Variants in CELF2 observed in about 807,000 individuals in gnomAD.
CELF2 encodes the protein CUG triplet repeat RNA-binding protein 2.
Under a neutral mutation model 62.6 loss-of-function variants are expected in CELF2, and 8 were observed. The observed-to-expected ratio is 0.13, with a 90% CI of 0.07 to 0.23. CELF2 has a LOEUF of 0.23. CELF2 is among the 10% of genes least tolerant of loss of function. The pLI is 1.00. For missense variants in CELF2, 333 were observed against 671.0 expected, an observed-to-expected ratio of 0.50 and a Z score of 5.56; for synonymous variants, 258 against 250.0, an observed-to-expected ratio of 1.03 and a Z score of -0.30.
the CELF2 span, among the ~76,000 whole-genome samples, chr10:10,622,382 G>C: frequency 2.0e-5 from 3 of 152,142 alleles, no homozygotes; most frequent in Non-Finnish European, 2.9e-5. Flanking sequence ...GCCAAGATGG[G>C]TGGATCACTT....
chr10:11,284,237 G>GAGTGT (rs1391578498), intron 8 of CELF2, among the ~76,000 whole-genome samples: 1 of 11,312 alleles, frequency 8.8e-5, no homozygotes, highest in Non-Finnish European at 1.5e-4. Context: ...GATGAGGGAT[G>GAGTGT]GAGGGGTGGG....
chr10:10,876,307 CA>C (rs2061088440), intron 1 of CELF2, among the ~76,000 whole-genome samples: 1 of 152,104 alleles, frequency 6.6e-6, no homozygotes, highest in South Asian at 2.1e-4. Flanking sequence ...AGAGCGCTCC[CA>C]TTGTGCTATG....
At chr10:11,213,816 G>C (rs1209980692) in intron 2 of CELF2, among the ~76,000 whole-genome samples, 1 of 152,214 alleles carries the variant, frequency 6.6e-6, no homozygotes, top group Non-Finnish European at 1.5e-5. Flanking sequence ...ACCAATCACT[G>C]TACTTGTTAA....
At chr10:10,549,282 C>G in the CELF2 span, among the ~76,000 whole-genome samples, 1 of 152,062 alleles carries the variant, frequency 6.6e-6, no homozygotes, top group African/African-American at 2.4e-5. Flanking sequence ...TTGGTTTCTT[C>G]TTTTTGTTGT....
the CELF2 span, among the ~76,000 whole-genome samples, chr10:10,583,872 A>G: frequency 6.6e-6 from 1 of 152,144 alleles, no homozygotes; most frequent in Non-Finnish European, 1.5e-5. Flanking sequence ...CAAATGTGCA[A>G]CCTTGAGAGT....
chr10:10,778,325 A>G, the CELF2 span, among the ~76,000 whole-genome samples: 40,104 of 152,074 alleles, frequency 0.26, 6,092 homozygotes, highest in East Asian at 0.5. Flanking sequence ...AAGAAAATGC[A>G]TGCATTGTAC....
chr10:10,776,077 TG>T, the CELF2 span: 1 of 152,518 alleles, frequency 6.6e-6, no homozygotes. Flanking sequence ...AAACATCATA[TG>T]AAGAACCAGC....
the CELF2 span, among the ~76,000 whole-genome samples, chr10:10,743,212 T>C: frequency 1.3e-5 from 2 of 152,236 alleles, no homozygotes; most frequent in African/African-American, 2.4e-5. Context: ...TTGGAAATCA[T>C]ACATGGATGC....
the CELF2 span, among the ~76,000 whole-genome samples, chr10:10,668,829 G>A: frequency 8.1e-4 from 123 of 152,168 alleles, no homozygotes; most frequent in Non-Finnish European, 1.4e-3. Flanking sequence ...AGGGTGGTGT[G>A]CGCCTGTAAT....
At position 11,289,126 on chromosome 10, in the gene CELF2, A is replaced by G. The variant is rs368173516; in HGVS notation, c.976+574A>G. 4.6e-5 allele frequency among the ~76,000 whole-genome samples: 7 copies of G among 152,250 alleles called. 1 individual carries two copies. The highest frequency in any genetic ancestry group is 1.7e-4 in the African/African-American group (7 of 41,538). On this transcript the variant is annotated intron_variant, in intron 9 of 12. Transcript: ENST00000633077. ...AAAAGCAGATGCCAGTTGTCTTTTC[A>G]TACAAGCCAGATAGAATGTGGTTGC...
In CELF2 at chr10:11,008,768, A is replaced by G. The variant is rs142710867; in HGVS notation, c.53+3328A>G. 1.1e-3 allele frequency among the ~76,000 whole-genome samples: 163 copies of G among 152,304 alleles called. 1 individual carries two copies. In the Middle Eastern group the frequency reaches 0.02, roughly 19 times the overall value. On this transcript the variant is annotated intron_variant, in intron 1 of 12. Coordinates refer to the CELF2 transcript ENST00000416382. This position sits in a 1 kb window ranked among gnomAD's most constrained non-coding sequence, Gnocchi z 4.5. ...AAAAGCATACCTTGGTTTTGTCATC[A>G]TGGTAGTGAGCATATTAGAAATATC... is the stretch of plus-strand genomic sequence containing the variant.
the CELF2 span, among the ~76,000 whole-genome samples, chr10:10,552,337 G>T: frequency 1.3e-5 from 2 of 152,188 alleles, no homozygotes; most frequent in African/African-American, 4.8e-5. Flanking sequence ...GTAAAGACAG[G>T]CAGCGTGTGG....
At chr10:11,213,814 C>A (rs1290932438) in intron 2 of CELF2, among the ~76,000 whole-genome samples, 2 of 152,252 alleles carry the variant, frequency 1.3e-5, no homozygotes, top group Non-Finnish European at 2.9e-5. Flanking sequence ...TAACCAATCA[C>A]TGTACTTGTT....
the CELF2 span, among the ~76,000 whole-genome samples, chr10:10,607,783 T>C: frequency 1.3e-5 from 2 of 152,172 alleles, no homozygotes; most frequent in Admixed American, 1.3e-4. Context: ...TGGGGGGATG[T>C]CTCCAAACAA....
At chr10:10,763,252 A>G in the CELF2 span, among the ~76,000 whole-genome samples, 1 of 152,200 alleles carries the variant, frequency 6.6e-6, no homozygotes, top group Non-Finnish European at 1.5e-5. Context: ...TACGCAAAAG[A>G]GGTCATTTGA....
rs55954207 is a variant in CELF2, at chr10:10,910,699, CAA to C, written c.54-9246_54-9245del. 5.6e-3 allele frequency among the ~76,000 whole-genome samples: 512 copies of C among 92,202 alleles called. 2 individuals are homozygous for C. Among genetic ancestry groups the C allele is most frequent in the African/African-American group, 0.019 (489 of 25,544 alleles). 60.5% of individuals were successfully genotyped at this position (92,202 alleles called of 152,430 possible). Reference sequence around the variant, plus strand: ...TGGACTACAGAGTGAGACTCTGCCTCAAAAAAAAAAAAAAAAAAAAGAAAAGA... The same window carrying C: ...TGGACTACAGAGTGAGACTCTGCCTCAAAAAAAAAAAAAAAAAAGAAAAGA... On this transcript the variant is annotated intron_variant, in intron 1 of 13. Transcript: ENST00000636488.
At chr10:10,468,202 G>C in the CELF2 span, among the ~76,000 whole-genome samples, 2 of 151,912 alleles carry the variant, frequency 1.3e-5, no homozygotes, top group Non-Finnish European at 2.9e-5. Flanking sequence ...TAAAGCTTTG[G>C]CGTTCTCTAA....
At chr10:10,468,722 T>TTCATCCTCAACACTGTTC in the CELF2 span, among the ~76,000 whole-genome samples, 1 of 152,018 alleles carries the variant, frequency 6.6e-6, no homozygotes, top group East Asian at 1.9e-4. Flanking sequence ...TGCTGTGGGT[T>TTCATCCTCAACACTGTTC]TCATCCTCAA....
rs2054081932 is a variant in CELF2, at chr10:10,997,505, C to G, written c.89+77506C>G. 2.0e-5 allele frequency among the ~76,000 whole-genome samples: 3 copies of G among 152,100 alleles called. No individual in the cohort carries two copies. Among genetic ancestry groups the G allele is most frequent in the African/African-American group, 7.2e-5 (3 of 41,412 alleles). Reference sequence around the variant, plus strand: ...TGTGTGGTTTACTTCTTAGGATTCCCTAGAATCAAAACCACTAGGAAAGGA... The same window carrying G: ...TGTGTGGTTTACTTCTTAGGATTCCGTAGAATCAAAACCACTAGGAAAGGA... On this transcript the variant is annotated intron_variant, in intron 2 of 13. Coordinates refer to the CELF2 transcript ENST00000636488. The surrounding 1 kb of genome is among the most constrained non-coding windows in gnomAD (Gnocchi z 5.3).
Sources: allele counts gnomAD v4.1 joint callset (sites outside exome capture counted in the v4.1 genomes callset), GRCh38; gene constraint gnomAD v4.1.1; non-coding constraint Gnocchi (gnomAD v3.1); transcripts MANE v1.5; gene names NCBI Gene and HGNC (gene_info 2026-07-23, HGNC 2026-07-21).